The following WTAP variants were observed in gnomAD, a reference collection of about 807,000 sequenced individuals.
WTAP encodes the protein WT1 associated protein.
In WTAP, 8 loss-of-function variants were observed where a neutral mutation model predicts 50.0. That is an observed-to-expected ratio of 0.16 (90% confidence interval 0.09 to 0.29). WTAP has a LOEUF of 0.29. Among genes scored for constraint, WTAP ranks in the 10% least tolerant of loss-of-function variants. The probability of loss-of-function intolerance (pLI) is 1.00; values close to 1 mark genes in which losing one functional copy is unlikely to be tolerated. For synonymous variants in WTAP, 194 were observed against 169.0 expected (o/e 1.15, Z -1.15); for missense variants, 295 against 470.7 (o/e 0.63, Z 3.45).
At chr6:159,727,325 G>T, upstream of WTAP, 4 of 1,277,848 alleles carry the variant, frequency 3.1e-6, no homozygotes, top group South Asian at 5.0e-5. Flanking sequence ...CCTGAAAGGC[G>T]ACTCTCCTGT....
chr6:159,754,200 C>A (rs535168170), intron 7 of WTAP, among the ~76,000 whole-genome samples: 45 of 152,294 alleles, frequency 3.0e-4, no homozygotes, highest in Middle Eastern at 3.4e-3. Context: ...AAATTAGTGT[C>A]TCTGGTTAAT....
At chr6:159,744,674 T>C (rs1033397383) in intron 5 of WTAP, among the ~76,000 whole-genome samples, 16 of 152,222 alleles carry the variant, frequency 1.1e-4, no homozygotes, top group Non-Finnish European at 2.2e-4. Context: ...CATTTTACTT[T>C]GCTAAAGGCT....
At chr6:159,726,823 G>C (rs1339553804), upstream of WTAP, 4 of 1,289,194 alleles carry the variant, frequency 3.1e-6, no homozygotes, top group African/African-American at 1.5e-5. Context: ...GAGAGGGAAG[G>C]CATCGGTTTC....
At position 159,755,759 on chromosome 6, in the gene WTAP, T is replaced by G; in HGVS notation, c.*148T>G. The G allele has an allele frequency of 2.1e-6, 2 of 951,830 alleles. No homozygotes were observed. Among genetic ancestry groups the G allele is most frequent in the Non-Finnish European group, 2.6e-6 (2 of 755,982 alleles). 59.0% of individuals were successfully genotyped at this position (951,830 alleles called of 1,614,324 possible). A position where few individuals can be genotyped will look rare whatever the true frequency, so the allele number is the denominator to read the frequency against. On this transcript the variant is annotated 3_prime_UTR_variant, in exon 8 of 8. Coordinates refer to ENST00000621533, the MANE Select transcript of WTAP (RefSeq NM_001270531.2). ...TTGTTTTTTTTCTTTGTTTTTTTTT[T>G]CTTTTCTTTTTTTTTTTTTTTTTTT...
intron 2 of WTAP, among the ~76,000 whole-genome samples, chr6:159,736,898 A>G (rs1419071345): frequency 1.3e-5 from 2 of 152,220 alleles, no homozygotes; most frequent in Non-Finnish European, 2.9e-5. Context: ...TTGTGATTCA[A>G]TTGGGAAAGC....
At chr6:159,750,920 G>A (rs1293967302) in intron 6 of WTAP, among the ~76,000 whole-genome samples, 3 of 152,154 alleles carry the variant, frequency 2.0e-5, no homozygotes, top group East Asian at 1.9e-4. Flanking sequence ...GTGTGTCTTC[G>A]CTTTACTGTT....
intron 6 of WTAP, among the ~76,000 whole-genome samples, chr6:159,751,141 C>T (rs1300405876): frequency 1.3e-5 from 2 of 152,068 alleles, no homozygotes; most frequent in Non-Finnish European, 2.9e-5. Flanking sequence ...AAAACAACTA[C>T]TTGTAATTAA....
chr6:159,726,724 C>T, upstream of WTAP: 1 of 1,258,450 alleles, frequency 7.9e-7, no homozygotes, highest in Non-Finnish European at 1.0e-6. Flanking sequence ...CAACCTCCGA[C>T]GCCAGAGAAC....
intron 1 of WTAP, chr6:159,730,762 G>T (rs570672718): frequency 6.6e-6 from 1 of 152,272 alleles, no homozygotes. Context: ...TCTGAGAGTT[G>T]ACTTAGGAAG....
chr6:159,747,611 T>C (rs1253207393), intron 5 of WTAP, among the ~76,000 whole-genome samples: 3 of 152,240 alleles, frequency 2.0e-5, no homozygotes. Context: ...GTATTTTAAG[T>C]TATAATCTTG....
chr6:159,744,886 C>G (rs902182042), intron 5 of WTAP, among the ~76,000 whole-genome samples: 10 of 152,146 alleles, frequency 6.6e-5, no homozygotes, highest in African/African-American at 2.4e-4. Context: ...CCCTATGTTG[C>G]CCAGGCTGGT....
chr6:159,752,484 A>G (rs1214071032), intron 6 of WTAP, among the ~76,000 whole-genome samples: 2 of 152,186 alleles, frequency 1.3e-5, no homozygotes, highest in African/African-American at 4.8e-5. Context: ...TGCAATTGCT[A>G]TGTATGTGCA....
At chr6:159,747,196 T>C (rs1344196072) in intron 5 of WTAP, among the ~76,000 whole-genome samples, 1 of 152,214 alleles carries the variant, frequency 6.6e-6, no homozygotes, top group East Asian at 1.9e-4. Flanking sequence ...ATGATGAATT[T>C]AATGCTAATA....
At chr6:159,746,928 C>G (rs1192545878) in intron 5 of WTAP, among the ~76,000 whole-genome samples, 3 of 152,148 alleles carry the variant, frequency 2.0e-5, no homozygotes, top group African/African-American at 7.2e-5. Context: ...GTGCTGTAGA[C>G]TGTTTTAATC....
chr6:159,747,375 C>T (rs1047970315), intron 5 of WTAP, among the ~76,000 whole-genome samples: 2 of 152,108 alleles, frequency 1.3e-5, no homozygotes, highest in Non-Finnish European at 2.9e-5. Flanking sequence ...CGCTATGGCA[C>T]TGAACTAAAC....
rs1778275279 is a variant in WTAP, at chr6:159,727,648, C to T, written c.-64C>T. Reference sequence around the variant, plus strand: ...CGGGGGGCCCGGGCGGCAGGGCAAGCAGCGCGGCCTCGGCCTATGCGACCG... The same window carrying T: ...CGGGGGGCCCGGGCGGCAGGGCAAGTAGCGCGGCCTCGGCCTATGCGACCG... On this transcript the variant is annotated 5_prime_UTR_variant, in exon 1 of 8. Transcript: ENST00000621533. The T allele has an allele frequency of 2.0e-6, 2 of 985,708 alleles. No homozygotes were observed. The highest frequency in any genetic ancestry group is 9.3e-5 in the South Asian group (2 of 21,528). The allele number at this position is 985,708 out of a possible 1,614,324, so 61.1% of individuals were successfully genotyped here.
chr6:159,739,824 CTTTTTTTTTTTTTTTTTTTTT>C lies in WTAP; in HGVS notation c.86+792_86+812del, dbSNP rs56389349. 2.6e-4 allele frequency among the ~76,000 whole-genome samples: 22 copies of C among 85,192 alleles called. 1 individual carries two copies. In the East Asian group the frequency reaches 8.4e-3, roughly 32 times the overall value. The allele number at this position is 85,192 out of a possible 152,430, so 55.9% of individuals were successfully genotyped here. A position where few individuals can be genotyped will look rare whatever the true frequency, so the allele number is the denominator to read the frequency against. Reference sequence around the variant, plus strand: ...ACTGTATTATGAACACACTTTTTACCTTTTTTTTTTTTTTTTTTTTTTTTTTTTTTTTTGCCATAATCTCAT... The same window carrying C: ...ACTGTATTATGAACACACTTTTTACCTTTTTTTTTTTTGCCATAATCTCAT... On this transcript the variant is annotated intron_variant, in intron 3 of 7. Coordinates refer to ENST00000621533, the MANE Select transcript of WTAP (RefSeq NM_001270531.2).
intron 6 of WTAP, among the ~76,000 whole-genome samples, chr6:159,750,611 G>C (rs1442938425): frequency 6.6e-6 from 1 of 152,076 alleles, no homozygotes; most frequent in Non-Finnish European, 1.5e-5. Context: ...AAACACAGAT[G>C]AGTTGCACCT....
intron 1 of WTAP, among the ~76,000 whole-genome samples, chr6:159,733,180 G>T (rs199551965): frequency 2.1e-5 from 1 of 47,258 alleles, no homozygotes; most frequent in Admixed American, 3.4e-4. Context: ...AAGAAAAAAA[G>T]AATAATATAC....
Sources: gnomAD v4.1 joint callset for allele counts (sites outside exome capture counted in the v4.1 genomes callset) on GRCh38, gnomAD v4.1.1 for gene constraint, MANE v1.5 for transcripts, NCBI Gene and HGNC (gene_info 2026-07-23, HGNC 2026-07-21) for gene names.